VDAC1: variants seen among roughly 807,000 people sequenced by gnomAD.
VDAC1 encodes the protein non-selective voltage-gated ion channel VDAC1.
In VDAC1, 10 loss-of-function variants were observed where a neutral mutation model predicts 34.7. The ratio of observed to expected loss-of-function variants is 0.29; its 90% CI spans 0.18 to 0.49. The LOEUF is 0.49. VDAC1 is among the 20% of genes least tolerant of loss of function. The pLI is 0.99. For synonymous variants in VDAC1, 130 were observed against 136.0 expected (o/e 0.96, Z 0.30); for missense variants, 230 against 347.9 (o/e 0.66, Z 2.69).
chr5:134,065,325 GTTTTAA>G, the VDAC1 span, among the ~76,000 whole-genome samples: 8 of 139,526 alleles, frequency 5.7e-5, no homozygotes, highest in Admixed American at 4.5e-4. Flanking sequence ...TATCTCTTTG[GTTTTAA>G]TTTTAATTTT....
chr5:133,997,857 A>G (rs1753388245), intron 1 of VDAC1, among the ~76,000 whole-genome samples: 1 of 152,052 alleles, frequency 6.6e-6, no homozygotes, highest in Non-Finnish European at 1.5e-5. Context: ...TGAGGTCAGG[A>G]GTTCGAGACC....
chr5:133,985,425 G>C (rs916406424), intron 5 of VDAC1, among the ~76,000 whole-genome samples: 2 of 152,240 alleles, frequency 1.3e-5, no homozygotes, highest in Admixed American at 1.3e-4. Context: ...ACTCCAAGGA[G>C]GGCAGATCAC....
the VDAC1 span, among the ~76,000 whole-genome samples, chr5:134,042,965 G>A: frequency 0.01 from 1,596 of 152,350 alleles, 12 homozygotes; most frequent in Middle Eastern, 0.054. Flanking sequence ...TATGTGGGTC[G>A]TGGGAGACAG....
intron 5 of VDAC1, among the ~76,000 whole-genome samples, chr5:133,985,113 G>A (rs778657404): frequency 2.0e-5 from 3 of 152,078 alleles, no homozygotes; most frequent in Admixed American, 6.6e-5. Context: ...CTGTCTCTTG[G>A]CTGCTTGAGA....
chr5:134,019,477 G>T, the VDAC1 span, among the ~76,000 whole-genome samples: 1 of 152,164 alleles, frequency 6.6e-6, no homozygotes, highest in African/African-American at 2.4e-5. Context: ...CTACTGAGGA[G>T]GCTGAAGTAG....
chr5:134,058,544 T>C, the VDAC1 span, among the ~76,000 whole-genome samples: 1 of 152,058 alleles, frequency 6.6e-6, no homozygotes, highest in Non-Finnish European at 1.5e-5. Context: ...CTCAATCTCC[T>C]GACCTCATGA....
At chr5:133,976,581 G>A (rs938914978) in intron 6 of VDAC1, among the ~76,000 whole-genome samples, 35 of 151,618 alleles carry the variant, frequency 2.3e-4, no homozygotes, top group African/African-American at 7.8e-4. Context: ...TTGGGAGGCC[G>A]AGGCAGCAGG....
At chr5:134,001,375 A>T (rs1753546067) in intron 1 of VDAC1, among the ~76,000 whole-genome samples, 1 of 152,182 alleles carries the variant, frequency 6.6e-6, no homozygotes, top group Non-Finnish European at 1.5e-5. Context: ...GGTGCTGAGC[A>T]AGCCCTCAAT....
At chr5:134,085,754 T>C in the VDAC1 span, among the ~76,000 whole-genome samples, 1 of 41,406 alleles carries the variant, frequency 2.4e-5, no homozygotes, top group African/African-American at 7.6e-5. Flanking sequence ...AAAAAAAAAA[T>C]TTCATTAGCT....
the VDAC1 span, among the ~76,000 whole-genome samples, chr5:134,015,130 G>A: frequency 6.6e-6 from 1 of 152,202 alleles, no homozygotes; most frequent in Non-Finnish European, 1.5e-5. Context: ...AATACTGCAT[G>A]TTCTCACTTA....
the VDAC1 span, among the ~76,000 whole-genome samples, chr5:134,010,574 G>C: frequency 6.0e-4 from 92 of 152,196 alleles, 1 homozygote; most frequent in African/African-American, 1.6e-3. Context: ...CTCCAGCCTG[G>C]GGGACAAGAG....
chr5:134,088,282 C>G, the VDAC1 span, among the ~76,000 whole-genome samples: 1 of 152,246 alleles, frequency 6.6e-6, no homozygotes, highest in Non-Finnish European at 1.5e-5. Context: ...AAACCCATCA[C>G]AGGTCCCAGT....
the VDAC1 span, among the ~76,000 whole-genome samples, chr5:134,051,330 G>T: frequency 6.6e-6 from 1 of 152,242 alleles, no homozygotes; most frequent in African/African-American, 2.4e-5. Flanking sequence ...AGTGGGCTAG[G>T]CCTGGGCTAC....
chr5:134,092,675 C>CAAAAA, the VDAC1 span, among the ~76,000 whole-genome samples: 1 of 97,020 alleles, frequency 1.0e-5, no homozygotes, highest in Non-Finnish European at 2.2e-5. Flanking sequence ...GATTCCGTCT[C>CAAAAA]AAAAAAAAAA....
chr5:134,080,334 G>T, the VDAC1 span, among the ~76,000 whole-genome samples: 2 of 152,244 alleles, frequency 1.3e-5, no homozygotes, highest in African/African-American at 4.8e-5. Context: ...GCCAGTGAGA[G>T]ATGCCAGGGC....
At chr5:134,090,866 C>G in the VDAC1 span, among the ~76,000 whole-genome samples, 10 of 152,190 alleles carry the variant, frequency 6.6e-5, no homozygotes, top group Non-Finnish European at 1.5e-4. Context: ...TGGGGTCTAC[C>G]TCTCAAGGAT....
At chr5:133,993,122 T>C (rs774957208) in intron 1 of VDAC1, 104 bp from the exon 2 acceptor site, 4 of 1,194,894 alleles carry the variant, frequency 3.3e-6, no homozygotes, top group Non-Finnish European at 4.7e-6. Flanking sequence ...AAAAATCACC[T>C]AGCACTAAGA....
At chr5:134,083,457 T>C in the VDAC1 span, among the ~76,000 whole-genome samples, 7 of 152,210 alleles carry the variant, frequency 4.6e-5, no homozygotes, top group Admixed American at 3.9e-4. Flanking sequence ...CCCAAAGTGC[T>C]GGGATTACAG....
chr5:134,039,397 C>T, the VDAC1 span, among the ~76,000 whole-genome samples: 2 of 152,118 alleles, frequency 1.3e-5, no homozygotes, highest in Admixed American at 6.6e-5. Flanking sequence ...GGCGCAATCT[C>T]GGCTCACTGT....
Sources: gnomAD v4.1 joint callset for allele counts (sites outside exome capture counted in the v4.1 genomes callset) on GRCh38, gnomAD v4.1.1 for gene constraint, MANE v1.5 for transcripts, NCBI Gene and HGNC (gene_info 2026-07-23, HGNC 2026-07-21) for gene names.